SLC16A7: variants seen among roughly 807,000 people sequenced by gnomAD.
The protein encoded by SLC16A7 is solute carrier family 16 member 7.
SLC16A7 carries 33 observed loss-of-function variants against 34.9 expected under a neutral mutation model. The observed-to-expected ratio is 0.94, with a 90% CI of 0.72 to 1.26. SLC16A7 has a LOEUF of 1.26. Ranked by LOEUF, SLC16A7 falls within the 50% of genes most tolerant of loss-of-function variation. The probability of loss-of-function intolerance (pLI) is 0.00; values close to 1 mark genes in which losing one functional copy is unlikely to be tolerated. For synonymous variants in SLC16A7, 201 were observed against 206.6 expected (o/e 0.97, Z 0.23); for missense variants, 573 against 578.1 (o/e 0.99, Z 0.09).
chr12:59,620,477 T>G (rs559817681), intron 1 of SLC16A7, among the ~76,000 whole-genome samples: 2 of 151,946 alleles, frequency 1.3e-5, no homozygotes, highest in East Asian at 3.9e-4. Flanking sequence ...GGGCATGCAG[T>G]GGTATTTGGA....
chr12:59,672,376 G>A (rs1277295012), intron 2 of SLC16A7, among the ~76,000 whole-genome samples: 2 of 150,630 alleles, frequency 1.3e-5, no homozygotes, highest in Admixed American at 1.3e-4. Context: ...TTGAAGGTAT[G>A]GAAAGCAGGC....
intron 1 of SLC16A7, among the ~76,000 whole-genome samples, chr12:59,611,290 T>C (rs1056766316): frequency 1.3e-5 from 2 of 152,154 alleles, no homozygotes; most frequent in Non-Finnish European, 2.9e-5. Flanking sequence ...CATGTCCTTC[T>C]TCACATGGCA....
chr12:59,671,877 A>T (rs1436905528), intron 2 of SLC16A7, among the ~76,000 whole-genome samples: 1 of 134,318 alleles, frequency 7.4e-6, no homozygotes, highest in Non-Finnish European at 1.6e-5. Flanking sequence ...ATATGTGTAT[A>T]TATGTATATA....
At chr12:59,748,815 C>T (rs975056931) in intron 3 of SLC16A7, among the ~76,000 whole-genome samples, 2 of 152,074 alleles carry the variant, frequency 1.3e-5, no homozygotes, top group African/African-American at 4.8e-5. Flanking sequence ...TAAGACTTAC[C>T]TATAGATATG....
chr12:59,669,138 T>C (rs1869458149), intron 2 of SLC16A7, among the ~76,000 whole-genome samples: 1 of 152,202 alleles, frequency 6.6e-6, no homozygotes, highest in Non-Finnish European at 1.5e-5. Flanking sequence ...ACCAAAGCCA[T>C]GCTGACAGGT....
intron 1 of SLC16A7, among the ~76,000 whole-genome samples, chr12:59,627,540 T>C (rs1324698336): frequency 6.6e-6 from 1 of 151,866 alleles, no homozygotes; most frequent in African/African-American, 2.4e-5. Context: ...TGTTAAATAA[T>C]GACATCCTTT....
Position 59,754,346 on chromosome 12 carries a change from T to A in SLC16A7, c.218-16873T>A, listed in dbSNP as rs536864435. On this transcript the variant is annotated intron_variant, in intron 3 of 5. Coordinates refer to ENST00000547379, the MANE Select transcript of SLC16A7 (RefSeq NM_001270623.2). ...GGTTTTTTGAAAGGATCAACAAAAT[T>A]GATAGACTGCTAGCAAGACTAATAA... is the stretch of plus-strand genomic sequence containing the variant. Among the ~76,000 whole-genome samples the A allele has an allele frequency of 2.1e-3, 325 of 151,834 alleles. 2 individuals carry two copies. Among genetic ancestry groups the A allele is most frequent in the African/African-American group, 6.9e-3 (285 of 41,386 alleles).
At chr12:59,703,621 A>G (rs978860411) in intron 2 of SLC16A7, among the ~76,000 whole-genome samples, 4 of 152,128 alleles carry the variant, frequency 2.6e-5, no homozygotes, top group Non-Finnish European at 5.9e-5. Flanking sequence ...TTAATTAAAA[A>G]ACATTTTAGG....
At chr12:59,641,162 T>C (rs1023053100) in intron 1 of SLC16A7, among the ~76,000 whole-genome samples, 18 of 152,094 alleles carry the variant, frequency 1.2e-4, no homozygotes, top group African/African-American at 4.3e-4. Flanking sequence ...TGGGTAAATC[T>C]CTATCTTATC....
chr12:59,612,450 G>T (rs183099238), intron 1 of SLC16A7, among the ~76,000 whole-genome samples: 1 of 152,242 alleles, frequency 6.6e-6, no homozygotes, highest in Non-Finnish European at 1.5e-5. Context: ...TTCCCTCCTG[G>T]ACCTGGCCTG....
intron 3 of SLC16A7, among the ~76,000 whole-genome samples, chr12:59,723,000 C>T (rs1273953613): frequency 6.6e-6 from 1 of 151,770 alleles, no homozygotes. Context: ...TAAAAACCTC[C>T]CTTGGCAAAT....
rs1442737653 is a variant in SLC16A7 at position 59,771,157 on chromosome 12, TA to T, written c.218-59del. On this transcript the variant is annotated intron_variant, in intron 3 of 5. Coordinates refer to ENST00000547379, the MANE Select transcript of SLC16A7 (RefSeq NM_001270623.2). ...CTTGCCTTTCCAAATGATTGGATGT[TA>T]AAGATAAACAAATAAATGACAAGAG... 7 of 1,509,378 alleles carry T rather than the reference TA, an allele frequency of 4.6e-6. No homozygotes were observed. The East Asian group carries it at 1.2e-4, about 26-fold the overall frequency. The allele number at this position is 1,509,378 out of a possible 1,614,324, so 93.5% of individuals were successfully genotyped here.
chr12:59,757,259 T>TAATAAAATAA (rs60300922), intron 3 of SLC16A7, among the ~76,000 whole-genome samples: 8 of 150,706 alleles, frequency 5.3e-5, no homozygotes, highest in African/African-American at 2.0e-4. Context: ...AGTATAATAA[T>TAATAAAATAA]AATAAAATAA....
At chr12:59,622,504 C>A (rs997875659) in intron 1 of SLC16A7, among the ~76,000 whole-genome samples, 1 of 151,766 alleles carries the variant, frequency 6.6e-6, no homozygotes, top group Non-Finnish European at 1.5e-5. Flanking sequence ...TTTCAGAAAC[C>A]TTTCAGATTA....
At chr12:59,778,169 G>A (rs1019768243) in intron 5 of SLC16A7, among the ~76,000 whole-genome samples, 2 of 152,052 alleles carry the variant, frequency 1.3e-5, no homozygotes, top group African/African-American at 4.8e-5. Flanking sequence ...TATTAACTCT[G>A]ATGGGCCATG....
chr12:59,649,136 A>G (rs141385338), intron 1 of SLC16A7, among the ~76,000 whole-genome samples: 8 of 152,324 alleles, frequency 5.3e-5, no homozygotes, highest in African/African-American at 1.4e-4. Context: ...ACGATGACTT[A>G]TATAAATCAG....
At chr12:59,642,929 G>T (rs1462911512) in intron 1 of SLC16A7, among the ~76,000 whole-genome samples, 5 of 152,098 alleles carry the variant, frequency 3.3e-5, no homozygotes, top group Non-Finnish European at 7.4e-5. Flanking sequence ...CACAAAGGAT[G>T]TTGGAAAGTT....
intron 3 of SLC16A7, among the ~76,000 whole-genome samples, chr12:59,746,122 G>T (rs563016272): frequency 6.6e-6 from 1 of 152,146 alleles, no homozygotes; most frequent in South Asian, 2.1e-4. Context: ...CCAGTAAAAG[G>T]TCGGATGAAC....
chr12:59,597,472 C>T (rs1180815019), intron 1 of SLC16A7, among the ~76,000 whole-genome samples: 8 of 152,010 alleles, frequency 5.3e-5, no homozygotes, highest in Admixed American at 5.2e-4. Flanking sequence ...TTCCTGTCAC[C>T]CCATGCTTCA....
Sources: allele counts gnomAD v4.1 joint callset (sites outside exome capture counted in the v4.1 genomes callset), GRCh38; gene constraint gnomAD v4.1.1; transcripts MANE v1.5; gene names NCBI Gene and HGNC (gene_info 2026-07-23, HGNC 2026-07-21).